Variants in SPTA1 observed in about 807,000 individuals in gnomAD.
SPTA1 encodes spectrin alpha chain, erythrocytic 1.
SPTA1 carries 177 observed loss-of-function variants against 324.7 expected under a neutral mutation model. The observed-to-expected ratio is 0.55, with a 90% confidence interval of 0.48 to 0.62. SPTA1 has a LOEUF of 0.62. Ranked by LOEUF, SPTA1 falls within the 20% of genes least tolerant of loss-of-function variation. The pLI, the probability that SPTA1 is intolerant of heterozygous loss-of-function variation, is 0.00. For missense variants in SPTA1, 3,162 were observed against 2,883.6 expected (o/e 1.10, Z -2.21); for synonymous variants, 1,195 against 1,041.3 (o/e 1.15, Z -2.84).
At chr1:158,611,587 C>A in intron 51 of SPTA1, 198 bp from the exon 52 acceptor site, 2 of 539,518 alleles carry the variant, frequency 3.7e-6, no homozygotes, top group Non-Finnish European at 6.4e-6. Context: ...TCAGCCCTTT[C>A]TTGAAAAAGA....
At chr1:158,643,721 T>C (rs1309501978) in intron 30 of SPTA1, among the ~76,000 whole-genome samples, 2 of 152,174 alleles carry the variant, frequency 1.3e-5, no homozygotes, top group Non-Finnish European at 2.9e-5. Flanking sequence ...TAATCAATCC[T>C]AAAAGTCAGA....
At chr1:158,623,794 A>G (rs576152736) in intron 42 of SPTA1, among the ~76,000 whole-genome samples, 4 of 152,214 alleles carry the variant, frequency 2.6e-5, no homozygotes, top group Admixed American at 2.0e-4. Flanking sequence ...AATACAGTAC[A>G]TTGGTACAGC....
chr1:158,645,848 T>G (rs1049676791), intron 27 of SPTA1, among the ~76,000 whole-genome samples: 2 of 152,192 alleles, frequency 1.3e-5, no homozygotes, highest in Non-Finnish European at 2.9e-5. Context: ...ATTCCGGGAA[T>G]TTTTTGTTTT....
intron 16 of SPTA1, among the ~76,000 whole-genome samples, chr1:158,663,565 T>C (rs966980804): frequency 6.6e-6 from 1 of 152,186 alleles, no homozygotes; most frequent in Non-Finnish European, 1.5e-5. Flanking sequence ...TTTAGTTGTA[T>C]ACCTATATGG....
intron 1 of SPTA1, 140 bp from the exon 2 acceptor site, chr1:158,685,487 C>T: frequency 8.2e-7 from 1 of 1,216,372 alleles, no homozygotes; most frequent in African/African-American, 1.5e-5. Flanking sequence ...GTCAGAAGAG[C>T]TGTAGTATAT....
At chr1:158,671,871 G>A (rs1654051018) in intron 11 of SPTA1, among the ~76,000 whole-genome samples, 188 bp downstream of exon 11, 1 of 152,166 alleles carries the variant, frequency 6.6e-6, no homozygotes, top group Non-Finnish European at 1.5e-5. Flanking sequence ...ATATGCTTTT[G>A]TTGATGAGGG....
chr1:158,620,824 G>A (rs377424280), intron 43 of SPTA1: 15 of 147,192 alleles, frequency 1.0e-4, no homozygotes, highest in African/African-American at 3.3e-4. Context: ...AGTTCTACCC[G>A]GCAAGTAGTA....
chr1:158,674,554 G>A lies in SPTA1; in HGVS notation c.1234C>T (p.His412Tyr). ...VAGGEVLLDR[H>Y]QQHKHEIDSY... Reference sequence around the variant, plus strand: ...TTCTTCTCTACCTTATGCTGCTGATGCCTGTCCAGCAGAACTTCTCCACCA... The same window carrying A: ...TTCTTCTCTACCTTATGCTGCTGATACCTGTCCAGCAGAACTTCTCCACCA... Residue 412 changes from histidine (H) to tyrosine (Y), a missense_variant, in exon 9 of 52, where the codon CAT (histidine) becomes TAT (tyrosine). Physicochemically the swap from His to Tyr is moderately conservative, Grantham distance 83. Coordinates refer to ENST00000643759, the MANE Select transcript of SPTA1 (RefSeq NM_003126.4). 6.2e-7 allele frequency: 1 copy of A among 1,614,062 alleles called. No individual in the cohort carries two copies. The highest frequency in any genetic ancestry group is 8.5e-7 in the Non-Finnish European group (1 of 1,179,982).
Position 158,677,664 on chromosome 1 carries a change from T to C in SPTA1, c.957+26A>G, listed in dbSNP as rs1654480178. 6.2e-6 allele frequency: 10 copies of C among 1,612,452 alleles called. No homozygotes were observed. The East Asian group carries it at 2.2e-4, about 36-fold the overall frequency. ...AATTGCCTCTTCTAGCTCAACGGGT[T>C]AGCCATTTCTCTAACAGCGCATTAC... is the stretch of plus-strand genomic sequence containing the variant. On this transcript the variant is annotated intron_variant, in intron 7 of 51. Transcript: ENST00000643759.
chr1:158,681,671 T>C lies in SPTA1; in HGVS notation c.391-4A>G, dbSNP rs1460923778. ...GGCGTAGCTCCTCTATATGGGCCTT[T>C]AGGAAAGAGGGGCAAAACCACTCAG... On this transcript the variant is annotated splice_polypyrimidine_tract_variant and splice_region_variant and intron_variant, in intron 3 of 51. Coordinates refer to ENST00000643759, the MANE Select transcript of SPTA1 (RefSeq NM_003126.4). The C allele has an allele frequency of 6.2e-7, 1 of 1,613,368 alleles. No homozygotes were observed. The highest frequency in any genetic ancestry group is 1.3e-5 in the African/African-American group (1 of 74,820).
In SPTA1 at chr1:158,680,586, G is replaced by A. The variant is rs770013846; in HGVS notation, c.675C>T (p.Ala225=). The change falls in exon 5 of 52, where the codon GCC becomes GCT. Residue 225 remains alanine (A), a synonymous_variant. Transcript: ENST00000643759. ...GAATATTTTGCTCCCACCTCACCTC[G>A]GCACACTCATTGGCATATTGGTTCA... ...VEVNQYANEC[A]EENHPDLPLI... 13 of 1,613,510 alleles carry A rather than the reference G, an allele frequency of 8.1e-6. No homozygotes were observed. Among genetic ancestry groups the A allele is most frequent in the African/African-American group, 2.7e-5 (2 of 74,818 alleles).
intron 22 of SPTA1, 71 bp from the exon 23 acceptor site, chr1:158,652,724 A>T: frequency 6.5e-7 from 1 of 1,544,488 alleles, no homozygotes; most frequent in African/African-American, 1.4e-5. Context: ...TGAGTGACAA[A>T]CATAGAGAAA....
At chr1:158,654,358 T>C (rs967840396) in intron 21 of SPTA1, among the ~76,000 whole-genome samples, 2 of 152,348 alleles carry the variant, frequency 1.3e-5, no homozygotes, top group Admixed American at 6.5e-5. Flanking sequence ...ATACTTTCTA[T>C]ATCTTTGGGC....
intron 7 of SPTA1, 140 bp from the exon 8 acceptor site, chr1:158,676,435 C>T (rs1654399985): frequency 3.6e-6 from 3 of 836,382 alleles, no homozygotes; most frequent in Non-Finnish European, 5.6e-6. Context: ...TATTAATATA[C>T]TAATGTACTA....
chr1:158,671,238 G>T (rs1311678712), intron 12 of SPTA1, 105 bp downstream of exon 12: 28 of 787,506 alleles, frequency 3.6e-5, no homozygotes, highest in Non-Finnish European at 6.2e-5. Context: ...TAATCCTCAG[G>T]CTATGTCTGG....
chr1:158,654,832 G>A (rs943459565), intron 20 of SPTA1, 84 bp from the exon 21 acceptor site: 14 of 1,588,244 alleles, frequency 8.8e-6, no homozygotes, highest in Non-Finnish European at 1.2e-5. Flanking sequence ...AGTCCTTTAG[G>A]CTTCCCAGGA....
intron 44 of SPTA1, 130 bp from the exon 45 acceptor site, chr1:158,619,464 C>A (rs967573754): frequency 1.1e-6 from 1 of 870,338 alleles, no homozygotes. Context: ...AGGTATGTGC[C>A]TGTGTGCTCA....
chr1:158,655,729 A>G (rs956458752), intron 20 of SPTA1, among the ~76,000 whole-genome samples: 2 of 152,310 alleles, frequency 1.3e-5, no homozygotes, highest in East Asian at 1.9e-4. Context: ...CTACCACTAC[A>G]TATAGTAGAC....
chr1:158,626,530 T>C (rs1476282612), intron 41 of SPTA1, among the ~76,000 whole-genome samples: 1 of 152,216 alleles, frequency 6.6e-6, no homozygotes, highest in East Asian at 1.9e-4. Context: ...TTAGAACATT[T>C]TGCTATGGCT....
Sources: gnomAD v4.1 joint callset for allele counts (sites outside exome capture counted in the v4.1 genomes callset) on GRCh38, gnomAD v4.1.1 for gene constraint, MANE v1.5 for transcripts, NCBI Gene and HGNC (gene_info 2026-07-23, HGNC 2026-07-21) for gene names.